Variants in RB1CC1 observed in about 807,000 individuals in gnomAD.
RB1CC1 encodes RB1 inducible coiled-coil 1.
In RB1CC1, 46 loss-of-function variants were observed where a neutral mutation model predicts 177.5. That is an observed-to-expected ratio of 0.26 (90% CI 0.20 to 0.33). The LOEUF (loss-of-function observed/expected upper bound fraction) is 0.33, where lower values mean the gene tolerates loss of function less well. RB1CC1 is among the 10% of genes least tolerant of loss of function. RB1CC1 has a pLI of 1.00. For missense variants in RB1CC1, 1,703 were observed against 1,816.3 expected, an observed-to-expected ratio of 0.94 and a Z score of 1.13; for synonymous variants, 666 against 613.6, an observed-to-expected ratio of 1.09 and a Z score of -1.26.
At chr8:52,713,335 A>C (rs1232519507) in intron 1 of RB1CC1, among the ~76,000 whole-genome samples, 2 of 152,222 alleles carry the variant, frequency 1.3e-5, no homozygotes, top group Non-Finnish European at 2.9e-5. Context: ...AACAGTAAAC[A>C]CAGCACATCC....
At chr8:52,631,868 A>G (rs1848786579) in intron 20 of RB1CC1, among the ~76,000 whole-genome samples, 1 of 152,178 alleles carries the variant, frequency 6.6e-6, no homozygotes, top group Non-Finnish European at 1.5e-5. Context: ...ACCACTTTGC[A>G]ATGCCAGCGC....
At chr8:52,691,337 A>C (rs572940371) in intron 1 of RB1CC1, among the ~76,000 whole-genome samples, 1 of 152,318 alleles carries the variant, frequency 6.6e-6, no homozygotes, top group South Asian at 2.1e-4. Flanking sequence ...TTAAACAAAC[A>C]CTAATCTCTT....
At chr8:52,694,369 C>A (rs1345195524) in intron 1 of RB1CC1, among the ~76,000 whole-genome samples, 2 of 148,604 alleles carry the variant, frequency 1.3e-5, no homozygotes, top group Non-Finnish European at 2.9e-5. Flanking sequence ...GCTCATCCCC[C>A]CCGGGTAGTC....
rs146284343 is a variant in RB1CC1 at position 52,688,411 on chromosome 8, T to A, written c.-166-1444A>T. Among the ~76,000 whole-genome samples the A allele has an allele frequency of 3.2e-3, 481 of 152,310 alleles. 2 individuals carry two copies. The highest frequency in any genetic ancestry group is 0.011 in the African/African-American group (446 of 41,562). On this transcript the variant is annotated intron_variant, in intron 1 of 23. Transcript: ENST00000025008. ...TACAAATGGCTGCTCTGGGAACGCC[T>A]GTCTTATGCGGTTGAGATAAGGACT...
chr8:52,636,504 G>C (rs1849153000), intron 18 of RB1CC1, among the ~76,000 whole-genome samples: 1 of 152,014 alleles, frequency 6.6e-6, no homozygotes, highest in East Asian at 1.9e-4. Flanking sequence ...AAACAAATTA[G>C]AAAATTTTAA....
chr8:52,636,966 T>C (rs1849192735), intron 18 of RB1CC1, among the ~76,000 whole-genome samples: 1 of 152,228 alleles, frequency 6.6e-6, no homozygotes, highest in South Asian at 2.1e-4. Flanking sequence ...AGGCTAGCAC[T>C]ACAGTGTCTT....
intron 18 of RB1CC1, among the ~76,000 whole-genome samples, chr8:52,637,685 A>ATTTATTTATTTATTTATT (rs1563357079): frequency 6.9e-6 from 1 of 144,440 alleles, no homozygotes; most frequent in African/African-American, 2.9e-5. Flanking sequence ...ATTTATTTAT[A>ATTTATTTATTTATTTATT]TATTTATTTT....
At chr8:52,707,499 C>G (rs538988022) in intron 1 of RB1CC1, among the ~76,000 whole-genome samples, 231 of 146,776 alleles carry the variant, frequency 1.6e-3, no homozygotes, top group African/African-American at 5.5e-3. Flanking sequence ...TATTTCTGTC[C>G]AAGTCCTACC....
intron 1 of RB1CC1, among the ~76,000 whole-genome samples, chr8:52,699,620 C>T (rs548418618): frequency 6.8e-6 from 1 of 147,310 alleles, no homozygotes; most frequent in East Asian, 2.0e-4. Context: ...ACCAGCCTGG[C>T]CAACATGGTG....
chr8:52,701,941 G>A (rs2150693610), intron 1 of RB1CC1, among the ~76,000 whole-genome samples: 1 of 152,154 alleles, frequency 6.6e-6, no homozygotes, highest in African/African-American at 2.4e-5. Flanking sequence ...CCAAGTAGCT[G>A]GGATTACAGG....
At chr8:52,707,814 T>C (rs1046678811) in intron 1 of RB1CC1, among the ~76,000 whole-genome samples, 5 of 152,200 alleles carry the variant, frequency 3.3e-5, no homozygotes, top group Non-Finnish European at 7.3e-5. Context: ...TCTTAGCATG[T>C]GAATTTGCCA....
intron 18 of RB1CC1, among the ~76,000 whole-genome samples, chr8:52,641,106 G>A (rs904921194): frequency 5.3e-5 from 8 of 151,924 alleles, no homozygotes; most frequent in African/African-American, 1.7e-4. Context: ...ATGCCTGGCC[G>A]GGCGCGATGA....
At chr8:52,627,545 G>A (rs1279660061) in intron 22 of RB1CC1, among the ~76,000 whole-genome samples, 1 of 152,066 alleles carries the variant, frequency 6.6e-6, no homozygotes, top group East Asian at 1.9e-4. Flanking sequence ...AATAGACATT[G>A]TTACTTAGTA....
intron 18 of RB1CC1, among the ~76,000 whole-genome samples, chr8:52,636,937 C>T (rs1253105016): frequency 6.6e-6 from 1 of 152,200 alleles, no homozygotes; most frequent in Non-Finnish European, 1.5e-5. Flanking sequence ...ACTCTCAATT[C>T]TATTCCACTG....
chr8:52,668,750 A>T (rs1004502868), intron 7 of RB1CC1, among the ~76,000 whole-genome samples: 1 of 152,190 alleles, frequency 6.6e-6, no homozygotes, highest in African/African-American at 2.4e-5. Flanking sequence ...CCCTTAAAAA[A>T]ATATTTTACC....
At chr8:52,706,735 CAAA>C (rs570528978) in intron 1 of RB1CC1, among the ~76,000 whole-genome samples, 4 of 106,226 alleles carry the variant, frequency 3.8e-5, no homozygotes, top group Admixed American at 9.9e-5. Flanking sequence ...CCCTCTGTTT[CAAA>C]AAAAAAAAAA....
At chr8:52,686,257 T>C (rs1854267720) in intron 2 of RB1CC1, 1 of 152,182 alleles carries the variant, frequency 6.6e-6, no homozygotes, top group Non-Finnish European at 1.5e-5. Flanking sequence ...GAGGATAACA[T>C]ACACAACAAG....
chr8:52,697,640 G>C (rs1591122719), intron 1 of RB1CC1, among the ~76,000 whole-genome samples: 1 of 152,322 alleles, frequency 6.6e-6, no homozygotes, highest in East Asian at 1.9e-4. Flanking sequence ...TAGCTGGGCA[G>C]TAGAAAGGTG....
chr8:52,655,752 A>C (rs555161075), intron 15 of RB1CC1, among the ~76,000 whole-genome samples: 20 of 152,274 alleles, frequency 1.3e-4, no homozygotes, highest in African/African-American at 4.8e-4. Flanking sequence ...GAGCTCTTTA[A>C]AACATTTCAA....
Sources: gnomAD v4.1 joint callset for allele counts (sites outside exome capture counted in the v4.1 genomes callset) on GRCh38, gnomAD v4.1.1 for gene constraint, MANE v1.5 for transcripts, NCBI Gene and HGNC (gene_info 2026-07-23, HGNC 2026-07-21) for gene names.